Variants in EPM2A observed in about 807,000 individuals in gnomAD.
EPM2A encodes the protein EPM2A glucan phosphatase, laforin, also known as laforin.
EPM2A carries 21 observed loss-of-function variants against 26.5 expected under a neutral mutation model. The observed-to-expected ratio is 0.79, with a 90% CI of 0.56 to 1.14. The LOEUF (loss-of-function observed/expected upper bound fraction) is 1.14, where lower values mean the gene tolerates loss of function less well. EPM2A is among the 50% of genes most tolerant of loss of function. The pLI, the probability that EPM2A is intolerant of heterozygous loss-of-function variation, is 0.00. For missense variants in EPM2A, 458 were observed against 440.8 expected (o/e 1.04, Z -0.35); for synonymous variants, 217 against 177.6 (o/e 1.22, Z -1.76).
At chr6:145,700,153 C>T (rs1378279013) in intron 1 of EPM2A, among the ~76,000 whole-genome samples, 1 of 152,098 alleles carries the variant, frequency 6.6e-6, no homozygotes, top group Non-Finnish European at 1.5e-5. Context: ...GACTAAAGAT[C>T]AACCTATTAA....
chr6:145,593,226 T>C (rs909230394), intron 2 of EPM2A, among the ~76,000 whole-genome samples: 14 of 152,122 alleles, frequency 9.2e-5, no homozygotes, highest in African/African-American at 3.4e-4. Context: ...TACATAATGA[T>C]AAAGGCCTAT....
chr6:145,662,171 TTCTC>T (rs1392861599), intron 2 of EPM2A, among the ~76,000 whole-genome samples: 3 of 152,204 alleles, frequency 2.0e-5, no homozygotes, highest in Non-Finnish European at 4.4e-5. Context: ...CTTCCTTCTC[TTCTC>T]TCTCTTTCTA....
intron 4 of EPM2A, among the ~76,000 whole-genome samples, chr6:145,424,923 T>C (rs991587463): frequency 6.6e-6 from 1 of 152,154 alleles, no homozygotes; most frequent in Non-Finnish European, 1.5e-5. Flanking sequence ...GTGTGGTATT[T>C]TGTTATAGCA....
At chr6:145,683,405 T>C (rs1780692972) in intron 2 of EPM2A, among the ~76,000 whole-genome samples, 1 of 149,986 alleles carries the variant, frequency 6.7e-6, no homozygotes, top group African/African-American at 2.4e-5. Flanking sequence ...TATACATACA[T>C]TTTAATATAT....
chr6:145,447,795 A>T (rs1021663928), intron 4 of EPM2A, among the ~76,000 whole-genome samples: 1 of 152,122 alleles, frequency 6.6e-6, no homozygotes, highest in Non-Finnish European at 1.5e-5. Context: ...CTCTTGATTG[A>T]CAAAAAATAC....
At chr6:145,595,525 A>G (rs1033319834) in intron 2 of EPM2A, among the ~76,000 whole-genome samples, 2 of 151,890 alleles carry the variant, frequency 1.3e-5, no homozygotes, top group South Asian at 4.2e-4. Context: ...CAGAATTAAC[A>G]TCTTTACACA....
chr6:145,457,361 G>A (rs542785885), intron 4 of EPM2A, among the ~76,000 whole-genome samples: 2 of 151,726 alleles, frequency 1.3e-5, no homozygotes, highest in Non-Finnish European at 2.9e-5. Flanking sequence ...GTGGGTGCCT[G>A]TAGTCCCAGC....
intron 2 of EPM2A, among the ~76,000 whole-genome samples, chr6:145,619,532 G>A (rs1299741749): frequency 6.6e-6 from 1 of 152,216 alleles, no homozygotes; most frequent in African/African-American, 2.4e-5. Context: ...CAGTACTGCA[G>A]GAGAGCTGGG....
chr6:145,424,669 G>T (rs1228370896), intron 4 of EPM2A, among the ~76,000 whole-genome samples: 1 of 152,168 alleles, frequency 6.6e-6, no homozygotes, highest in Admixed American at 6.5e-5. Flanking sequence ...TGGGGCCTTT[G>T]GGAGATGATT....
chr6:145,453,093 A>C (rs1173896703), intron 4 of EPM2A, among the ~76,000 whole-genome samples: 5 of 152,154 alleles, frequency 3.3e-5, no homozygotes, highest in Non-Finnish European at 7.3e-5. Flanking sequence ...AAAGTCTCAT[A>C]CCTTTGAAGT....
chr6:145,733,764 T>A (rs1583149881), intron 1 of EPM2A, among the ~76,000 whole-genome samples: 1 of 152,164 alleles, frequency 6.6e-6, no homozygotes, highest in East Asian at 1.9e-4. Context: ...CCCAGTGAGG[T>A]AGAGAAGGAG....
intron 4 of EPM2A, among the ~76,000 whole-genome samples, chr6:145,440,803 C>T (rs1029099075): frequency 9.9e-5 from 15 of 152,244 alleles, no homozygotes; most frequent in African/African-American, 3.6e-4. Flanking sequence ...AGGTGGGCTC[C>T]CACAGAGTTG....
At chr6:145,664,477 T>C (rs1778995008) in intron 2 of EPM2A, among the ~76,000 whole-genome samples, 1 of 139,586 alleles carries the variant, frequency 7.2e-6, no homozygotes, top group Non-Finnish European at 1.5e-5. Flanking sequence ...CCTAAATATA[T>C]ATGCACCCAA....
intron 4 of EPM2A, among the ~76,000 whole-genome samples, chr6:145,410,070 G>A (rs938560618): frequency 6.6e-6 from 1 of 152,106 alleles, no homozygotes; most frequent in African/African-American, 2.4e-5. Flanking sequence ...ATAGATGTCG[G>A]GAGCCTTCTT....
intron 2 of EPM2A, among the ~76,000 whole-genome samples, chr6:145,588,876 C>T (rs1004242337): frequency 6.6e-6 from 1 of 152,072 alleles, no homozygotes; most frequent in South Asian, 2.1e-4. Flanking sequence ...GTTATTTGAG[C>T]AGGGGAACTT....
chr6:145,636,964 A>T (rs143965021), intron 2 of EPM2A: 85 of 152,198 alleles, frequency 5.6e-4, no homozygotes, highest in African/African-American at 1.9e-3. Context: ...ATTTCGTATA[A>T]CATTTAGTAA....
intron 2 of EPM2A, among the ~76,000 whole-genome samples, chr6:145,647,186 A>G (rs1441004852): frequency 6.6e-6 from 1 of 152,194 alleles, no homozygotes; most frequent in Non-Finnish European, 1.5e-5. Context: ...GCTTTTATAT[A>G]AAGTTCAATC....
chr6:145,711,484 G>A (rs1366123775), intron 1 of EPM2A, among the ~76,000 whole-genome samples: 1 of 152,154 alleles, frequency 6.6e-6, no homozygotes, highest in East Asian at 1.9e-4. Context: ...AGATGTAAAA[G>A]TCTTGTAGAC....
At chr6:145,462,880 G>A (rs1398034381) in intron 4 of EPM2A, among the ~76,000 whole-genome samples, 6 of 152,224 alleles carry the variant, frequency 3.9e-5, no homozygotes, top group South Asian at 2.1e-4. Flanking sequence ...ATAAATGTAC[G>A]TAGTATGGCA....
Sources: allele counts gnomAD v4.1 joint callset (sites outside exome capture counted in the v4.1 genomes callset), GRCh38; gene constraint gnomAD v4.1.1; transcripts MANE v1.5; gene names NCBI Gene and HGNC (gene_info 2026-07-23, HGNC 2026-07-21).